ERC1: variants seen among roughly 807,000 people sequenced by gnomAD.
ERC1 encodes RAB6 interacting protein 2.
In ERC1, 56 loss-of-function variants were observed where a neutral mutation model predicts 132.0. The observed-to-expected ratio is 0.42, with a 90% CI of 0.34 to 0.53. The LOEUF is 0.53. ERC1 is among the 20% of genes least tolerant of loss of function. The pLI, the probability that ERC1 is intolerant of heterozygous loss-of-function variation, is 0.03. For missense variants in ERC1, 1,202 were observed against 1,349.9 expected (o/e 0.89, Z 1.72); for synonymous variants, 478 against 476.1 (o/e 1.00, Z -0.05).
At chr12:1,310,234 A>G (rs61913075) in intron 15 of ERC1, among the ~76,000 whole-genome samples, 54,813 of 151,068 alleles carry the variant, frequency 0.36, 10,272 homozygotes, top group Middle Eastern at 0.44. Context: ...ATTTTATTTT[A>G]TTTTATTTTG....
At chr12:1,257,005 TGTA>T (rs1425651427) in intron 13 of ERC1, 1 of 150,894 alleles carries the variant, frequency 6.6e-6, no homozygotes, top group Non-Finnish European at 1.5e-5. Flanking sequence ...CATGCCCTTG[TGTA>T]GTCCTCTCCC....
intron 2 of ERC1, among the ~76,000 whole-genome samples, chr12:1,036,610 A>C (rs1177832504): frequency 6.6e-6 from 1 of 152,178 alleles, no homozygotes; most frequent in African/African-American, 2.4e-5. Context: ...TCCTGGCCTC[A>C]GGTGATCTGT....
At chr12:1,489,617 A>G (rs2094295536) in intron 18 of ERC1, among the ~76,000 whole-genome samples, 1 of 152,252 alleles carries the variant, frequency 6.6e-6, no homozygotes, top group East Asian at 1.9e-4. Flanking sequence ...TGTTTCTCAA[A>G]GTAATCTCTT....
At chr12:1,381,343 T>G (rs1053632689) in intron 16 of ERC1, 4 of 152,234 alleles carry the variant, frequency 2.6e-5, no homozygotes, top group Admixed American at 6.5e-5. Flanking sequence ...GGCCCTTATT[T>G]TTTTATTTAC....
At chr12:1,276,730 G>A (rs565004750) in intron 14 of ERC1, among the ~76,000 whole-genome samples, 1 of 152,072 alleles carries the variant, frequency 6.6e-6, no homozygotes, top group Non-Finnish European at 1.5e-5. Flanking sequence ...ATTGCACCTG[G>A]TACACAATGG....
At chr12:1,206,330 A>C (rs1957349295) in intron 12 of ERC1, among the ~76,000 whole-genome samples, 1 of 152,058 alleles carries the variant, frequency 6.6e-6, no homozygotes, top group Non-Finnish European at 1.5e-5. Context: ...TCATTATATG[A>C]CCTTGGGCAA....
chr12:1,255,535 A>G (rs981649636), intron 13 of ERC1, among the ~76,000 whole-genome samples: 1 of 150,536 alleles, frequency 6.6e-6, no homozygotes, highest in Non-Finnish European at 1.5e-5. Flanking sequence ...GTCTTCCACA[A>G]TGGTTGAACT....
intron 12 of ERC1, among the ~76,000 whole-genome samples, chr12:1,192,578 T>C (rs1014879407): frequency 6.6e-6 from 1 of 152,222 alleles, no homozygotes; most frequent in Non-Finnish European, 1.5e-5. Context: ...ATGTATATGC[T>C]CCTTCTGCCC....
At chr12:1,133,103 C>T (rs1254273456) in intron 7 of ERC1, among the ~76,000 whole-genome samples, 1 of 151,996 alleles carries the variant, frequency 6.6e-6, no homozygotes, top group African/African-American at 2.4e-5. Context: ...AGTGATCCAC[C>T]CACCTCGGCC....
At chr12:1,410,426 G>A in intron 17 of ERC1, 1 of 1,322,024 alleles carries the variant, frequency 7.6e-7, no homozygotes, top group Non-Finnish European at 1.0e-6. Context: ...CCAATCAGAG[G>A]CTTAGTTCAG....
chr12:1,123,303 G>T (rs1947790149), intron 7 of ERC1, among the ~76,000 whole-genome samples: 2 of 152,056 alleles, frequency 1.3e-5, no homozygotes, highest in Non-Finnish European at 2.9e-5. Context: ...GAATAGAGAA[G>T]AATGGGGAGG....
chr12:1,239,822 C>G (rs1192452974), intron 13 of ERC1, among the ~76,000 whole-genome samples: 6 of 152,198 alleles, frequency 3.9e-5, no homozygotes, highest in African/African-American at 1.4e-4. Context: ...ATTAGTGGTT[C>G]TCAAACTTGT....
At chr12:1,341,649 T>TG (rs1025083295) in intron 15 of ERC1, among the ~76,000 whole-genome samples, 4 of 51,662 alleles carry the variant, frequency 7.7e-5, no homozygotes, top group African/African-American at 3.2e-4. Context: ...TATCACACAC[T>TG]GGGGCCTGTC....
At chr12:1,124,036 C>T (rs1947869329) in intron 7 of ERC1, among the ~76,000 whole-genome samples, 2 of 152,120 alleles carry the variant, frequency 1.3e-5, no homozygotes, top group African/African-American at 4.8e-5. Context: ...ACAGATAAAT[C>T]AACAATTGTA....
intron 3 of ERC1, among the ~76,000 whole-genome samples, 171 bp from the exon 4 acceptor site, chr12:1,104,579 T>C (rs963930548): frequency 6.6e-6 from 1 of 152,192 alleles, no homozygotes; most frequent in African/African-American, 2.4e-5. Flanking sequence ...TGAGTGAGCC[T>C]GAATGCAGTC....
chr12:1,175,535 AT>A (rs527757794), intron 8 of ERC1, among the ~76,000 whole-genome samples: 91 of 141,416 alleles, frequency 6.4e-4, no homozygotes, highest in African/African-American at 7.5e-4. Context: ...CATCTGTTCA[AT>A]TTTTTTTTTT....
At chr12:1,451,361 C>G (rs976124285) in intron 18 of ERC1, among the ~76,000 whole-genome samples, 1 of 152,098 alleles carries the variant, frequency 6.6e-6, no homozygotes, top group Non-Finnish European at 1.5e-5. Context: ...GCCTGTAATC[C>G]CAGCACTTTT....
intron 8 of ERC1, among the ~76,000 whole-genome samples, chr12:1,179,500 C>CTTTTTTTTTTTTT (rs58317880): frequency 1.3e-4 from 12 of 95,762 alleles, no homozygotes; most frequent in South Asian, 4.2e-4. Context: ...ATTCATTTTT[C>CTTTTTTTTTTTTT]TTTTTTTTTT....
intron 15 of ERC1, among the ~76,000 whole-genome samples, chr12:1,331,588 C>A (rs1185366258): frequency 6.6e-6 from 1 of 152,116 alleles, no homozygotes; most frequent in Non-Finnish European, 1.5e-5. Flanking sequence ...GTTCTTGAAT[C>A]CATCTGCTTG....
Sources: gnomAD v4.1 joint callset for allele counts (sites outside exome capture counted in the v4.1 genomes callset) on GRCh38, gnomAD v4.1.1 for gene constraint, MANE v1.5 for transcripts, NCBI Gene and HGNC (gene_info 2026-07-23, HGNC 2026-07-21) for gene names.